The following SH3TC2 variants were observed in gnomAD, a reference collection of about 807,000 sequenced individuals.
The protein encoded by SH3TC2 is SH3 domain and tetratricopeptide repeats 2.
Under a neutral mutation model 124.5 loss-of-function variants are expected in SH3TC2, and 87 were observed. That is an observed-to-expected ratio of 0.70 (90% CI 0.59 to 0.84). The LOEUF (loss-of-function observed/expected upper bound fraction) is 0.84. Ranked by LOEUF, SH3TC2 falls within the 40% of genes least tolerant of loss-of-function variation. The pLI, the probability that SH3TC2 is intolerant of heterozygous loss-of-function variation, is 0.00. For synonymous variants in SH3TC2, 634 were observed against 628.5 expected (o/e 1.01, Z -0.13); for missense variants, 1,536 against 1,566.4 (o/e 0.98, Z 0.33).
chr5:149,031,292 A>T (rs1754187583), intron 9 of SH3TC2, among the ~76,000 whole-genome samples: 1 of 152,112 alleles, frequency 6.6e-6, no homozygotes, highest in Non-Finnish European at 1.5e-5. Context: ...AGGAGGGAAG[A>T]CCCAGTACAG....
intron 8 of SH3TC2, chr5:149,035,250 T>C (rs1415145552): frequency 6.6e-6 from 1 of 152,246 alleles, no homozygotes; most frequent in Non-Finnish European, 1.5e-5. Context: ...TGTAATACTA[T>C]AAAATACTAG....
At position 148,994,993 on chromosome 5, in the gene SH3TC2, C is replaced by T. The variant is rs1298038200; in HGVS notation, c.*9718G>A. On this transcript the variant is annotated 3_prime_UTR_variant, in exon 17 of 17. Transcript: ENST00000515425. ...CTGGACCACTCAGGCCTCAAAATACCTTAAAGGTACTGCCTATCCCCTGGA... is the reference window on the plus strand; with the variant it reads ...CTGGACCACTCAGGCCTCAAAATACTTTAAAGGTACTGCCTATCCCCTGGA... Among the ~76,000 whole-genome samples, 2 of 152,086 alleles carry T rather than the reference C, an allele frequency of 1.3e-5. No individual in the cohort carries two copies. Among genetic ancestry groups the T allele is most frequent in the Admixed American group, 1.3e-4 (2 of 15,264 alleles).
chr5:149,045,456 C>A (rs1300113481), intron 3 of SH3TC2: 1 of 152,060 alleles, frequency 6.6e-6, no homozygotes, highest in Non-Finnish European at 1.5e-5. Context: ...ATAGCTAAAT[C>A]TTTGTGCACA....
At chr5:149,031,268 C>A (rs1754187176) in intron 9 of SH3TC2, among the ~76,000 whole-genome samples, 1 of 152,166 alleles carries the variant, frequency 6.6e-6, no homozygotes, top group African/African-American at 2.4e-5. Flanking sequence ...AGGAAGTTCT[C>A]CTCCCCCAAG....
chr5:149,042,761 T>A lies in SH3TC2; in HGVS notation c.462A>T (p.Thr154=). 6.2e-7 allele frequency: 1 copy of A among 1,614,198 alleles called. No individual in the cohort carries two copies. The highest frequency in any genetic ancestry group is 8.5e-7 in the Non-Finnish European group (1 of 1,180,014). Residue 154 remains threonine (T), a synonymous_variant, in exon 5 of 17, where the codon ACA becomes ACT. Transcript: ENST00000515425. Reference sequence around the variant, plus strand: ...TATCATCTACAGACACTTGGATCTCTGTATCCTCCACCAATATGCAGTTGA... The same window carrying A: ...TATCATCTACAGACACTTGGATCTCAGTATCCTCCACCAATATGCAGTTGA... ...YWLNCILVED[T]EIQVSVDDKH...
In SH3TC2 at chr5:148,996,287, G is replaced by GAA. The variant is rs568565416; in HGVS notation, c.*8422_*8423dup. The stretch of plus-strand genomic sequence containing the variant: ...TAAGAGAGAAAGAGAGAGAGAGAGA[G>GAA]AAACAGACAGATGGACTTTATACAA... On this transcript the variant is annotated 3_prime_UTR_variant, in exon 17 of 17. Coordinates refer to ENST00000515425, the MANE Select transcript of SH3TC2 (RefSeq NM_024577.4). 3.3e-5 allele frequency among the ~76,000 whole-genome samples: 5 copies of GAA among 151,796 alleles called. No individual in the cohort carries two copies. The highest frequency in any genetic ancestry group is 7.4e-5 in the Non-Finnish European group (5 of 67,942).
chr5:149,019,946 G>A lies in SH3TC2; in HGVS notation c.3053+6626C>T, dbSNP rs547615335. ...TGTTTGATCTGTTTGGAAGTTCCCT[G>A]GAAGCCTCTGCTCACAGGGCTTGTT... On this transcript the variant is annotated intron_variant, in intron 12 of 16. Coordinates refer to ENST00000515425, the MANE Select transcript of SH3TC2 (RefSeq NM_024577.4). Among the ~76,000 whole-genome samples, 4 of 152,268 alleles carry A rather than the reference G, an allele frequency of 2.6e-5. No homozygotes were observed. In the East Asian group the frequency reaches 5.8e-4, roughly 22 times the overall value.
chr5:149,061,714 G>A (rs1034414115), intron 1 of SH3TC2, among the ~76,000 whole-genome samples: 2 of 152,122 alleles, frequency 1.3e-5, no homozygotes, highest in Admixed American at 6.6e-5. Flanking sequence ...TAGAGCTAGA[G>A]GAAGTCAGAT....
intron 14 of SH3TC2, 48 bp downstream of exon 14, chr5:149,010,222 A>T: frequency 6.2e-7 from 1 of 1,613,742 alleles, no homozygotes; most frequent in Non-Finnish European, 8.5e-7. Flanking sequence ...GACCCTTCCC[A>T]TGCCCGTGCC....
chr5:148,991,560 C>T lies in SH3TC2; in HGVS notation c.*13151G>A, dbSNP rs539673321. Among the ~76,000 whole-genome samples, 5 of 152,164 alleles carry T rather than the reference C, an allele frequency of 3.3e-5. No homozygotes were observed. The highest frequency in any genetic ancestry group is 7.3e-5 in the Non-Finnish European group (5 of 68,028). The stretch of plus-strand genomic sequence containing the variant: ...GTGGTTATATCTGAAGGGTTTCCCC[C>T]AGGAGCTCCAGTTCTTTTAGTGGTA... On this transcript the variant is annotated 3_prime_UTR_variant, in exon 17 of 17. Transcript: ENST00000515425.
intron 5 of SH3TC2, 99 bp downstream of exon 5, chr5:149,042,595 T>C: frequency 6.8e-7 from 1 of 1,461,498 alleles, no homozygotes; most frequent in African/African-American, 1.4e-5. Flanking sequence ...TATTCCATGT[T>C]TGAATGATTT....
rs1249646863 is a variant in SH3TC2 at position 148,998,809 on chromosome 5, T to A, written c.*5902A>T. On this transcript the variant is annotated 3_prime_UTR_variant, in exon 17 of 17. Transcript: ENST00000515425. ...CCCAGAGCCAGCACTTCCAGCAGCCTCCATCCTCAAGTCCCCTGAGTTCTG... is the reference window on the plus strand; with the variant it reads ...CCCAGAGCCAGCACTTCCAGCAGCCACCATCCTCAAGTCCCCTGAGTTCTG... 6.6e-6 allele frequency among the ~76,000 whole-genome samples: 1 copy of A among 152,094 alleles called. No individual in the cohort carries two copies. The highest frequency in any genetic ancestry group is 1.9e-4 in the East Asian group (1 of 5,184).
chr5:149,035,996 A>C (rs1176826351), intron 8 of SH3TC2: 1 of 152,206 alleles, frequency 6.6e-6, no homozygotes, highest in Non-Finnish European at 1.5e-5. Context: ...CAACAATAAG[A>C]ACAAGTGCCT....
intron 3 of SH3TC2, 69 bp from the exon 4 acceptor site, chr5:149,044,707 C>A (rs1580912143): frequency 8.7e-7 from 1 of 1,145,498 alleles, no homozygotes; most frequent in Non-Finnish European, 1.3e-6. Flanking sequence ...CTTATATAGA[C>A]CAAATACTCT....
intron 1 of SH3TC2, among the ~76,000 whole-genome samples, chr5:149,054,979 A>T (rs1207125386): frequency 2.0e-5 from 3 of 152,164 alleles, no homozygotes; most frequent in Non-Finnish European, 4.4e-5. Flanking sequence ...AGGGCAGAAA[A>T]TTGCAAGGTT....
At position 149,001,174 on chromosome 5, in the gene SH3TC2, A is replaced by G. The variant is rs891865739; in HGVS notation, c.*3537T>C. Among the ~76,000 whole-genome samples, 1 of 152,212 alleles carries G rather than the reference A, an allele frequency of 6.6e-6. No homozygotes were observed. Among genetic ancestry groups the G allele is most frequent in the African/African-American group, 2.4e-5 (1 of 41,458 alleles). ...AAAGAGGAAGAAAATGAACACACAC[A>G]CACACACATACATATATATACACAT... On this transcript the variant is annotated 3_prime_UTR_variant, in exon 17 of 17. Coordinates refer to ENST00000515425, the MANE Select transcript of SH3TC2 (RefSeq NM_024577.4).
intron 3 of SH3TC2, chr5:149,046,415 T>A (rs150800624): frequency 6.6e-6 from 1 of 152,340 alleles, no homozygotes; most frequent in East Asian, 1.9e-4. Context: ...ATTTAACCAC[T>A]TCTGAACTAA....
chr5:149,031,910 G>A (rs545747179), intron 8 of SH3TC2, among the ~76,000 whole-genome samples: 1 of 152,278 alleles, frequency 6.6e-6, no homozygotes, highest in Non-Finnish European at 1.5e-5. Context: ...GGGTGTGGTT[G>A]TCCAGTAGGT....
chr5:148,985,360 A>G lies in SH3TC2; in HGVS notation c.*19351T>C, dbSNP rs1580874868. On this transcript the variant is annotated 3_prime_UTR_variant, in exon 17 of 17. Transcript: ENST00000515425. ...TAGAACAGCTCCATCACTTCAAACA[A>G]TTTTCTTGTGTCTTTTTTCATCAAT... 1.3e-5 allele frequency among the ~76,000 whole-genome samples: 2 copies of G among 152,032 alleles called. No individual in the cohort carries two copies. The highest frequency in any genetic ancestry group is 6.6e-5 in the Admixed American group (1 of 15,252).
Sources: gnomAD v4.1 joint callset for allele counts (sites outside exome capture counted in the v4.1 genomes callset) on GRCh38, gnomAD v4.1.1 for gene constraint, MANE v1.5 for transcripts, NCBI Gene and HGNC (gene_info 2026-07-23, HGNC 2026-07-21) for gene names.